WLS: variants seen among roughly 807,000 people sequenced by gnomAD.
WLS encodes the protein Wnt ligand secretion mediator.
WLS carries 23 observed loss-of-function variants against 62.8 expected under a neutral mutation model. That is an observed-to-expected ratio of 0.37 (90% CI 0.26 to 0.52). WLS has a LOEUF of 0.52. WLS is among the 20% of genes least tolerant of loss of function. The probability of loss-of-function intolerance (pLI) is 0.92; values close to 1 mark genes in which losing one functional copy is unlikely to be tolerated. For missense variants in WLS, 615 were observed against 697.3 expected (o/e 0.88, Z 1.33); for synonymous variants, 246 against 244.1 (o/e 1.01, Z -0.07).
At chr1:68,112,380 T>A (rs1646238892) in intron 11 of WLS, among the ~76,000 whole-genome samples, 2 of 152,248 alleles carry the variant, frequency 1.3e-5, no homozygotes, top group East Asian at 3.9e-4. Context: ...AAAAGCAAAA[T>A]GTGTGGGTCC....
intron 3 of WLS, among the ~76,000 whole-genome samples, chr1:68,156,016 G>A (rs1049791484): frequency 3.3e-5 from 5 of 152,182 alleles, no homozygotes; most frequent in Non-Finnish European, 5.9e-5. Context: ...AACAATTTAA[G>A]AGATACTGCC....
In WLS at chr1:68,116,433, G is replaced by A. The variant is rs1377698762; in HGVS notation, c.1511-17680C>T. Among the ~76,000 whole-genome samples the A allele has an allele frequency of 2.6e-5, 4 of 152,310 alleles. No individual in the cohort carries two copies. The East Asian group carries it at 7.7e-4, about 29-fold the overall frequency. On this transcript the variant is annotated intron_variant, in intron 11 of 11. Transcript: ENST00000354777. ...CAAAATTTTGGGCAGGAAGGGCAAT[G>A]CATCTATCAGAACTCATTGGTGACA...
At chr1:68,144,744 T>C (rs1570884345) in intron 9 of WLS, 92 bp from the exon 10 acceptor site, 2 of 1,020,252 alleles carry the variant, frequency 2.0e-6, no homozygotes, top group East Asian at 5.2e-5. Flanking sequence ...TTTAAAGAAA[T>C]CTGTAAAACC....
chr1:68,127,892 G>A (rs112412798), intron 11 of WLS, among the ~76,000 whole-genome samples: 3,334 of 152,170 alleles, frequency 0.022, 42 homozygotes, highest in Middle Eastern at 0.041. Flanking sequence ...GGCCCAGCAG[G>A]CTGCTTGGCT....
At chr1:68,191,905 C>T (rs1648329135) in intron 2 of WLS, among the ~76,000 whole-genome samples, 1 of 151,902 alleles carries the variant, frequency 6.6e-6, no homozygotes, top group Admixed American at 6.6e-5. Context: ...ACAACTCTCC[C>T]CGCCAACACA....
intron 10 of WLS, among the ~76,000 whole-genome samples, chr1:68,140,944 G>C: frequency 6.7e-6 from 1 of 148,938 alleles, no homozygotes. Flanking sequence ...TTTTAACTTT[G>C]AGAGAAAAAT....
intron 11 of WLS, among the ~76,000 whole-genome samples, chr1:68,110,761 A>G (rs199523172): frequency 7.7e-6 from 1 of 130,028 alleles, no homozygotes; most frequent in Non-Finnish European, 1.7e-5. Flanking sequence ...ATATATATAT[A>G]TTTGCTCGAT....
At chr1:68,171,471 A>G (rs1223478435) in intron 2 of WLS, among the ~76,000 whole-genome samples, 1 of 152,220 alleles carries the variant, frequency 6.6e-6, no homozygotes, top group Non-Finnish European at 1.5e-5. Flanking sequence ...TACAAGAAAA[A>G]AAAACAAAAA....
intron 1 of WLS, among the ~76,000 whole-genome samples, chr1:68,221,920 G>A (rs763878687): frequency 1.3e-5 from 2 of 152,144 alleles, no homozygotes; most frequent in Non-Finnish European, 2.9e-5. Context: ...CCTTATTTTG[G>A]CAATGTGAAT....
chr1:68,171,579 T>C (rs1430768427), intron 2 of WLS, among the ~76,000 whole-genome samples: 2 of 152,182 alleles, frequency 1.3e-5, no homozygotes, highest in Non-Finnish European at 2.9e-5. Context: ...TCATCACTGG[T>C]CATCAGAGAA....
intron 11 of WLS, among the ~76,000 whole-genome samples, chr1:68,101,393 C>T (rs1646076779): frequency 6.6e-6 from 1 of 152,138 alleles, no homozygotes; most frequent in Admixed American, 6.5e-5. Context: ...GAGGCCGCCC[C>T]AGAAAGGCTT....
intron 11 of WLS, among the ~76,000 whole-genome samples, chr1:68,114,965 C>T (rs547491903): frequency 6.6e-6 from 1 of 152,348 alleles, no homozygotes; most frequent in South Asian, 2.1e-4. Flanking sequence ...AGGCTCAGCA[C>T]AGTGCTGGAC....
intron 11 of WLS, among the ~76,000 whole-genome samples, chr1:68,130,168 T>TC (rs1353929622): frequency 1.3e-5 from 2 of 152,192 alleles, no homozygotes; most frequent in African/African-American, 4.8e-5. Context: ...CGGCAGCATT[T>TC]TAATGACAAT....
intron 10 of WLS, among the ~76,000 whole-genome samples, chr1:68,139,617 C>T (rs965014018): frequency 6.6e-6 from 1 of 152,200 alleles, no homozygotes; most frequent in Non-Finnish European, 1.5e-5. Flanking sequence ...GTAAGAGACC[C>T]TATTCCTGCG....
rs181466516 is a variant in WLS at position 68,169,613 on chromosome 1, T to C, written c.380-10366A>G. Among the ~76,000 whole-genome samples the C allele has an allele frequency of 1.1e-4, 16 of 152,308 alleles. No homozygotes were observed. The East Asian group carries it at 3.1e-3, about 29-fold the overall frequency. ...AACCACCAAATTTGGTCAACTCTAC[T>C]AGGTGTCTTTCAGATTTAGCCTCCT... On this transcript the variant is annotated intron_variant, in intron 2 of 11. Transcript: ENST00000262348.
chr1:68,187,953 C>T (rs1648064105), intron 2 of WLS, among the ~76,000 whole-genome samples: 1 of 152,010 alleles, frequency 6.6e-6, no homozygotes, highest in Non-Finnish European at 1.5e-5. Context: ...CTAAACTTAC[C>T]TGAGGCTCTG....
At chr1:68,223,305 GT>G (rs1203986849) in intron 1 of WLS, among the ~76,000 whole-genome samples, 1 of 152,116 alleles carries the variant, frequency 6.6e-6, no homozygotes, top group Non-Finnish European at 1.5e-5. Flanking sequence ...TTTGGGGGAG[GT>G]TCATAATGAA....
At chr1:68,098,513 A>G (rs1336137183) in exon 12 of WLS, 2 of 1,444,158 alleles carry the variant, frequency 1.4e-6, no homozygotes, top group African/African-American at 2.8e-5. Flanking sequence ...TTTTTTCCTT[A>G]TATTTAACAT....
At chr1:68,105,461 GC>G (rs34670743) in intron 11 of WLS, among the ~76,000 whole-genome samples, 79,524 of 151,946 alleles carry the variant, frequency 0.52, 21,492 homozygotes, top group Middle Eastern at 0.66. Flanking sequence ...TAACCAAGGT[GC>G]CACCTCATTG....
Sources: gnomAD v4.1 joint callset for allele counts (sites outside exome capture counted in the v4.1 genomes callset) on GRCh38, gnomAD v4.1.1 for gene constraint, MANE v1.5 for transcripts, NCBI Gene and HGNC (gene_info 2026-07-23, HGNC 2026-07-21) for gene names.